Variants in NUGGC observed in about 807,000 individuals in gnomAD.
NUGGC encodes nuclear GTPase SLIP-GC.
NUGGC carries 58 observed loss-of-function variants against 92.6 expected under a neutral mutation model. The observed-to-expected ratio is 0.63, with a 90% CI of 0.51 to 0.78. NUGGC has a LOEUF of 0.78. Ranked by LOEUF, NUGGC falls within the 30% of genes least tolerant of loss-of-function variation. The pLI is 0.00. For synonymous variants in NUGGC, 376 were observed against 366.4 expected, an observed-to-expected ratio of 1.03 and a Z score of -0.30; for missense variants, 925 against 964.6, an observed-to-expected ratio of 0.96 and a Z score of 0.54.
chr8:28,043,175 C>T (rs1029343484), intron 12 of NUGGC, among the ~76,000 whole-genome samples: 6 of 152,200 alleles, frequency 3.9e-5, no homozygotes, highest in Non-Finnish European at 7.3e-5. Context: ...ATGCCTCACT[C>T]TCGATAAATC....
intron 9 of NUGGC, among the ~76,000 whole-genome samples, chr8:28,056,647 C>T (rs1810148837): frequency 6.6e-6 from 1 of 151,958 alleles, no homozygotes; most frequent in Non-Finnish European, 1.5e-5. Flanking sequence ...AAAAAATTAA[C>T]AAAAAGGTGT....
At chr8:28,075,197 C>T (rs10216908) in intron 1 of NUGGC, among the ~76,000 whole-genome samples, 401 of 152,246 alleles carry the variant, frequency 2.6e-3, no homozygotes, top group African/African-American at 9.2e-3. Flanking sequence ...TGGGGGGCTG[C>T]TGACTGGGGA....
intron 5 of NUGGC, 137 bp from the exon 6 acceptor site, chr8:28,067,881 G>A (rs940221985): frequency 1.7e-5 from 12 of 691,840 alleles, no homozygotes; most frequent in African/African-American, 9.0e-5. Context: ...CTGGGGTCTC[G>A]AAGAGGGGAA....
intron 13 of NUGGC, among the ~76,000 whole-genome samples, chr8:28,037,137 C>T (rs1161241446): frequency 1.3e-5 from 2 of 152,198 alleles, no homozygotes; most frequent in Non-Finnish European, 2.9e-5. Flanking sequence ...CACCAACTCC[C>T]CTCAGACCTC....
intron 5 of NUGGC, 32 bp from the exon 6 acceptor site, chr8:28,067,776 T>C: frequency 6.5e-7 from 1 of 1,537,790 alleles, no homozygotes; most frequent in Non-Finnish European, 9.0e-7. Flanking sequence ...AAGCCCCTCT[T>C]GACACAGACA....
chr8:28,045,434 AG>A, intron 12 of NUGGC, 92 bp downstream of exon 12: 14 of 1,268,630 alleles, frequency 1.1e-5, no homozygotes, highest in Non-Finnish European at 1.5e-5. Context: ...TAATATGAAA[AG>A]AAAAAATATC....
chr8:28,062,413 G>A (rs1026471972), intron 7 of NUGGC, among the ~76,000 whole-genome samples: 3 of 150,734 alleles, frequency 2.0e-5, no homozygotes, highest in African/African-American at 7.3e-5. Context: ...GAGCTCAGGA[G>A]TTCACCAGCC....
intron 4 of NUGGC, 63 bp from the exon 5 acceptor site, chr8:28,068,501 A>T: frequency 8.7e-7 from 1 of 1,151,240 alleles, no homozygotes; most frequent in South Asian, 1.4e-5. Context: ...GAGCATTGAA[A>T]CAGAATGCAA....
intron 6 of NUGGC, among the ~76,000 whole-genome samples, chr8:28,067,148 A>G (rs1185348393): frequency 6.6e-6 from 1 of 152,186 alleles, no homozygotes; most frequent in African/African-American, 2.4e-5. Context: ...CTGATCCACT[A>G]AACCAACCCC....
chr8:28,042,444 C>G (rs1343010812), intron 12 of NUGGC, among the ~76,000 whole-genome samples: 1 of 152,214 alleles, frequency 6.6e-6, no homozygotes, highest in Non-Finnish European at 1.5e-5. Context: ...TGCTATTCCC[C>G]AAACATGCTG....
Position 28,069,622 on chromosome 8 carries a change from A to G in NUGGC, c.179T>C (p.Val60Ala), listed in dbSNP as rs1810534643. The change falls in exon 4 of 19, where the codon GTT (valine) becomes GCT (alanine). Residue 60 changes from valine (V) to alanine (A), a missense_variant. Coordinates refer to ENST00000413272, the MANE Select transcript of NUGGC (RefSeq NM_001010906.2). ...AAGTTTCTGATAAGTGTTGCTCAAA[A>G]CCCTTCTGGTCCGTGATTCCAATTT... The part of the protein sequence containing the change: ...YEKLESRTRR[V>A]LSNTYQKLIQ... 1.9e-6 allele frequency: 3 copies of G among 1,611,250 alleles called. No homozygotes were observed. Among genetic ancestry groups the G allele is most frequent in the Non-Finnish European group, 2.5e-6 (3 of 1,177,526 alleles).
At position 28,043,679 on chromosome 8, in the gene NUGGC, C is replaced by T. The variant is rs17058507; in HGVS notation, c.1446+1848G>A. ...CACTTCCATATTAGCAAAGAAAACACGTGGGGTGGGCACTTCTGGCCTTGA... is the reference window on the plus strand; with the variant it reads ...CACTTCCATATTAGCAAAGAAAACATGTGGGGTGGGCACTTCTGGCCTTGA... On this transcript the variant is annotated intron_variant, in intron 12 of 18. Transcript: ENST00000413272. 6.5e-3 allele frequency among the ~76,000 whole-genome samples: 984 copies of T among 152,314 alleles called. 12 individuals are homozygous for T. The highest frequency in any genetic ancestry group is 0.022 in the African/African-American group (915 of 41,564).
chr8:28,055,016 G>A (rs184107033), intron 10 of NUGGC, among the ~76,000 whole-genome samples: 1 of 150,028 alleles, frequency 6.7e-6, no homozygotes. Context: ...GTAAAACCCT[G>A]TCTCTACTAA....
At chr8:28,048,225 T>G (rs984928904) in intron 10 of NUGGC, among the ~76,000 whole-genome samples, 1 of 152,174 alleles carries the variant, frequency 6.6e-6, no homozygotes, top group Non-Finnish European at 1.5e-5. Flanking sequence ...ATTTCTGAAA[T>G]TGAGATGCAT....
intron 2 of NUGGC, among the ~76,000 whole-genome samples, chr8:28,070,866 C>G: frequency 6.6e-6 from 1 of 151,454 alleles, no homozygotes; most frequent in East Asian, 2.0e-4. Flanking sequence ...GTGGTGTGCA[C>G]CTGTAGTCCT....
chr8:28,038,939 C>G (rs897032700), intron 13 of NUGGC, among the ~76,000 whole-genome samples: 4 of 152,112 alleles, frequency 2.6e-5, no homozygotes, highest in Non-Finnish European at 5.9e-5. Flanking sequence ...GATAAGGTAA[C>G]GTGCAGTATC....
In NUGGC at chr8:28,027,063, A is replaced by G; in HGVS notation, c.2155-11T>C. On this transcript the variant is annotated splice_polypyrimidine_tract_variant and intron_variant, in intron 17 of 18. Coordinates refer to ENST00000413272, the MANE Select transcript of NUGGC (RefSeq NM_001010906.2). ...CTCCACGATTCCAGTCTATGCAACA[A>G]GGACATTCAGTCTGTTAGGATGGTG... is the stretch of plus-strand genomic sequence containing the variant. The G allele has an allele frequency of 1.9e-6, 3 of 1,598,234 alleles. No homozygotes were observed. Among genetic ancestry groups the G allele is most frequent in the African/African-American group, 1.3e-5 (1 of 74,736 alleles).
Position 28,068,409 on chromosome 8 carries a change from G to A in NUGGC, c.287C>T (p.Pro96Leu), listed in dbSNP as rs756892243. ...INRLLALIEK[P>L]TVDPIYIALF... ...TGCAATGTAGATTGGGTCCACTGTC[G>A]GCTTTTCAATCAAGGCAAGAAGCCT... The change falls in exon 5 of 19, where the codon CCG (proline) becomes CTG (leucine). Residue 96 changes from proline (P) to leucine (L), a missense_variant. Transcript: ENST00000413272. 34 of 1,575,928 alleles carry A rather than the reference G, an allele frequency of 2.2e-5. No homozygotes were observed. Among genetic ancestry groups the A allele is most frequent in the Middle Eastern group, 1.7e-4 (1 of 5,822 alleles).
chr8:28,058,325 G>T (rs1215379603), intron 8 of NUGGC, 49 bp from the exon 9 acceptor site: 2 of 359,050 alleles, frequency 5.6e-6, no homozygotes, highest in Non-Finnish European at 1.0e-5. Flanking sequence ...TTTACTATGT[G>T]TCACTGCAGT....
Sources: gnomAD v4.1 joint callset for allele counts (sites outside exome capture counted in the v4.1 genomes callset) on GRCh38, gnomAD v4.1.1 for gene constraint, MANE v1.5 for transcripts, NCBI Gene and HGNC (gene_info 2026-07-23, HGNC 2026-07-21) for gene names.